CEP290: variants seen among roughly 807,000 people sequenced by gnomAD.
CEP290 encodes the protein centrosomal protein 290.
A neutral mutation model predicts 344.9 loss-of-function variants in CEP290; 317 were observed. The observed-to-expected ratio is 0.92, with a 90% CI of 0.84 to 1.01. The LOEUF is 1.01. Ranked by LOEUF, CEP290 falls within the 50% of genes least tolerant of loss-of-function variation. The probability of loss-of-function intolerance (pLI) is 0.00; values close to 1 mark genes in which losing one functional copy is unlikely to be tolerated. For synonymous variants in CEP290, 932 were observed against 895.8 expected (o/e 1.04, Z -0.72); for missense variants, 2,754 against 2,761.4 (o/e 1.00, Z 0.06).
At chr12:88,056,717 G>A (rs1453392694) in intron 49 of CEP290, among the ~76,000 whole-genome samples, 1 of 152,142 alleles carries the variant, frequency 6.6e-6, no homozygotes, top group Non-Finnish European at 1.5e-5. Flanking sequence ...GCCTGACATA[G>A]AATACGTGTT....
intron 25 of CEP290, chr12:88,103,397 A>T (rs1264335046): frequency 6.4e-6 from 1 of 155,086 alleles, no homozygotes; most frequent in Non-Finnish European, 1.4e-5. Context: ...TATCACAGGT[A>T]ACTTTCACAG....
intron 34 of CEP290, among the ~76,000 whole-genome samples, chr12:88,085,695 T>G (rs1028156619): frequency 7.9e-5 from 12 of 152,122 alleles, no homozygotes; most frequent in African/African-American, 2.9e-4. Context: ...GAAAATTGAT[T>G]CATAGATTAT....
chr12:88,133,513 A>G (rs911494636), intron 6 of CEP290, among the ~76,000 whole-genome samples: 3 of 152,180 alleles, frequency 2.0e-5, no homozygotes, highest in African/African-American at 7.2e-5. Context: ...TAGTGCTGCA[A>G]TGAACATATG....
intron 23 of CEP290, 43 bp from the exon 24 acceptor site, chr12:88,107,141 T>C (rs374895222): frequency 4.0e-5 from 47 of 1,186,500 alleles, no homozygotes; most frequent in Non-Finnish European, 3.8e-5. Flanking sequence ...GTAAACCTAA[T>C]AAAATGTTTA....
intron 53 of CEP290, chr12:88,049,671 G>A (rs2033290503): frequency 3.5e-6 from 1 of 285,626 alleles, no homozygotes; most frequent in East Asian, 8.4e-5. Context: ...TCTTATAATG[G>A]GACTTAATCT....
At position 88,093,988 on chromosome 12, in the gene CEP290, AT is replaced by A; in HGVS notation, c.3104-14del. 1 of 1,570,920 alleles carries A rather than the reference AT, an allele frequency of 6.4e-7. No individual in the cohort carries two copies. On this transcript the variant is annotated splice_polypyrimidine_tract_variant and intron_variant, in intron 27 of 53. Transcript: ENST00000552810. ...CTAGATTCATTACCTACATGCAATA[AT>A]ATTTAAGTCAATCTCATGCTGTTTA... is the stretch of plus-strand genomic sequence containing the variant.
chr12:88,064,735 T>C (rs2034768597), intron 44 of CEP290, among the ~76,000 whole-genome samples: 1 of 152,136 alleles, frequency 6.6e-6, no homozygotes, highest in African/African-American at 2.4e-5. Context: ...GGAAAGATCT[T>C]TCCCTCTGAT....
Position 88,139,201 on chromosome 12 carries a change from TA to T in CEP290, c.251-11del, listed in dbSNP as rs752284551. On this transcript the variant is annotated splice_polypyrimidine_tract_variant and intron_variant, in intron 4 of 53. Transcript: ENST00000552810. ...GTTTTTAATTGATTTTCTATTTTTTTAAAAAAAAAGAAAAACGTTTTAATTG... is the reference window on the plus strand; with the variant it reads ...GTTTTTAATTGATTTTCTATTTTTTTAAAAAAAAGAAAAACGTTTTAATTG... 413 of 1,084,478 alleles carry T rather than the reference TA, an allele frequency of 3.8e-4. No individual in the cohort carries two copies. Among genetic ancestry groups the T allele is most frequent in the East Asian group, 5.8e-4 (20 of 34,560 alleles). The allele number at this position is 1,084,478 out of a possible 1,614,324, so 67.2% of individuals were successfully genotyped here. A position where few individuals can be genotyped will look rare whatever the true frequency, so the allele number is the denominator to read the frequency against.
In CEP290 at chr12:88,087,964, T is replaced by C; in HGVS notation, c.4030-20A>G. ...GATTACCTAAGATTTACAATTTATA[T>C]ACACAAATATAAATGCTATATTAAC... On this transcript the variant is annotated intron_variant, in intron 31 of 53. Transcript: ENST00000552810. The C allele has an allele frequency of 1.0e-6, 1 of 982,966 alleles. No individual in the cohort carries two copies. The highest frequency in any genetic ancestry group is 1.3e-6 in the Non-Finnish European group (1 of 745,184). The allele number at this position is 982,966 out of a possible 1,614,324, so 60.9% of individuals were successfully genotyped here.
Position 88,079,125 on chromosome 12 carries a change from T to C in CEP290, c.5331A>G (p.Gln1777=). The part of the protein sequence containing the change: ...TSQKEAHLNV[Q]QIVDRHTREL... Reference sequence around the variant, plus strand: ...CTCTAGTATGTCGATCAACGATTTGTTGAACATTGAGATGGGCCTCTTTTT... The same window carrying C: ...CTCTAGTATGTCGATCAACGATTTGCTGAACATTGAGATGGGCCTCTTTTT... The change falls in exon 39 of 54, where the codon CAA becomes CAG. Residue 1777 remains glutamine, a synonymous_variant. Coordinates refer to ENST00000552810, the MANE Select transcript of CEP290 (RefSeq NM_025114.4). 6.3e-7 allele frequency: 1 copy of C among 1,595,630 alleles called. No individual in the cohort carries two copies. The highest frequency in any genetic ancestry group is 8.5e-7 in the Non-Finnish European group (1 of 1,173,140).
Position 88,093,878 on chromosome 12 carries a change from T to A in CEP290, c.3201A>T (p.Leu1067Phe), listed in dbSNP as rs753838921. The A allele has an allele frequency of 6.2e-7, 1 of 1,613,070 alleles. No homozygotes were observed. Among genetic ancestry groups the A allele is most frequent in the Admixed American group, 1.7e-5 (1 of 59,960 alleles). The stretch of plus-strand genomic sequence containing the variant: ...AATGTTCAGCCCGCTGCCTTTCATT[T>A]AATTCCTTCATTTCCAGCATAGTTA... ...KKITMLEMKELNERQRAEHCQ... is the reference protein window; with the variant it reads ...KKITMLEMKEFNERQRAEHCQ... The change falls in exon 28 of 54, where the codon TTA becomes TTT. Residue 1067 changes from leucine to phenylalanine, a missense_variant. By Grantham distance (22) the Leu-to-Phe change is conservative (BLOSUM62 0). Coordinates refer to ENST00000552810, the MANE Select transcript of CEP290 (RefSeq NM_025114.4).
chr12:88,140,208 T>C (rs1264476121), intron 3 of CEP290, among the ~76,000 whole-genome samples: 1 of 152,222 alleles, frequency 6.6e-6, no homozygotes, highest in African/African-American at 2.4e-5. Flanking sequence ...TTCCAATTGC[T>C]ATTATTCTAA....
At position 88,066,729 on chromosome 12, in the gene CEP290, T is replaced by A. The variant is rs151046628; in HGVS notation, c.6135+1793A>T. Among the ~76,000 whole-genome samples, 486 of 152,272 alleles carry A rather than the reference T, an allele frequency of 3.2e-3. 3 individuals are homozygous for A. The highest frequency in any genetic ancestry group is 6.9e-3 in the Admixed American group (106 of 15,294). ...ATAGGGCAATGTAACATCAAACTCC[T>A]GGGCTCAAATGATCCTCCCACCACA... On this transcript the variant is annotated intron_variant, in intron 44 of 53. Coordinates refer to ENST00000552810, the MANE Select transcript of CEP290 (RefSeq NM_025114.4).
In CEP290 at chr12:88,097,018, TC is replaced by T. The variant is rs1565861026; in HGVS notation, c.2992-20del. The T allele has an allele frequency of 7.2e-6, 9 of 1,255,006 alleles. No homozygotes were observed. Among genetic ancestry groups the T allele is most frequent in the Non-Finnish European group, 1.0e-5 (9 of 887,866 alleles). 77.7% of individuals were successfully genotyped at this position (1,255,006 alleles called of 1,614,324 possible). A position where few individuals can be genotyped will look rare whatever the true frequency, so the allele number is the denominator to read the frequency against. On this transcript the variant is annotated intron_variant, in intron 26 of 53. Transcript: ENST00000552810. ...TTTCACACTGAATAAAGGAAAAATA[TC>T]ACTAAGAAACTACATTGTAATTCAG...
rs750776051 is a variant in CEP290 at position 88,136,665 on chromosome 12, T to C, written c.419A>G (p.Lys140Arg). The C allele has an allele frequency of 4.3e-6, 7 of 1,613,766 alleles. No individual in the cohort carries two copies. The highest frequency in any genetic ancestry group is 5.9e-6 in the Non-Finnish European group (7 of 1,179,752). ...ELEDMEKELE[K>R]EKKVNEQLAL... ...TACTTGCTCATTAACTTTCTTCTCTTTCTCCAACTCCTTTTCCATGTCCTC... is the reference window on the plus strand; with the variant it reads ...TACTTGCTCATTAACTTTCTTCTCTCTCTCCAACTCCTTTTCCATGTCCTC... The change falls in exon 6 of 54, where the codon AAA (lysine) becomes AGA (arginine). Residue 140 changes from lysine (K) to arginine (R), a missense_variant. Physicochemically the swap from Lys to Arg is conservative, Grantham distance 26 (BLOSUM62 2). Coordinates refer to ENST00000552810, the MANE Select transcript of CEP290 (RefSeq NM_025114.4).
At position 88,136,753 on chromosome 12, in the gene CEP290, G is replaced by A. The variant is rs1051440600; in HGVS notation, c.331C>T (p.Arg111Trp). Residue 111 changes from arginine to tryptophan, a missense_variant, in exon 6 of 54, where the codon CGG becomes TGG. Physicochemically the swap from Arg to Trp is moderately radical, Grantham distance 101. Coordinates refer to ENST00000552810, the MANE Select transcript of CEP290 (RefSeq NM_025114.4). Reference sequence around the variant, plus strand: ...TGGCAAATTTCATTACGTAAAAACCGAGTATCTCGTCCACCTGCAGACTGC... The same window carrying A: ...TGGCAAATTTCATTACGTAAAAACCAAGTATCTCGTCCACCTGCAGACTGC... ...AQQSAGGRDTRFLRNEICQLE... is the reference protein window; with the variant it reads ...AQQSAGGRDTWFLRNEICQLE... 12 of 1,613,380 alleles carry A rather than the reference G, an allele frequency of 7.4e-6. No individual in the cohort carries two copies. Among genetic ancestry groups the A allele is most frequent in the Admixed American group, 5.0e-5 (3 of 59,928 alleles).
At chr12:88,099,176 GAC>G (rs1229317978) in intron 26 of CEP290, among the ~76,000 whole-genome samples, 2 of 152,030 alleles carry the variant, frequency 1.3e-5, no homozygotes, top group African/African-American at 4.8e-5. Context: ...GGATGAAGAA[GAC>G]ACACATAAAT....
Position 88,111,251 on chromosome 12 carries a change from C to A in CEP290, c.2318G>T (p.Ser773Ile). The A allele has an allele frequency of 6.6e-7, 1 of 1,506,174 alleles. No homozygotes were observed. Among genetic ancestry groups the A allele is most frequent in the Non-Finnish European group, 8.9e-7 (1 of 1,126,610 alleles). 93.3% of individuals were successfully genotyped at this position (1,506,174 alleles called of 1,614,324 possible). ...ATTCTGAGAATTAATGATACTGGCACTAGATGGTGCTATCCCATCAGGTAA... is the reference window on the plus strand; with the variant it reads ...ATTCTGAGAATTAATGATACTGGCAATAGATGGTGCTATCCCATCAGGTAA... ...IDLPDGIAPSSASIINSQNEY... is the reference protein window; with the variant it reads ...IDLPDGIAPSIASIINSQNEY... The change falls in exon 22 of 54, where the codon AGT (serine) becomes ATT (isoleucine). Residue 773 changes from serine (S) to isoleucine (I), a missense_variant. Physicochemically the swap from Ser to Ile is moderately radical, Grantham distance 142 (BLOSUM62 -2). Transcript: ENST00000552810.
chr12:88,134,447 A>T (rs1385241064), intron 6 of CEP290, among the ~76,000 whole-genome samples: 1 of 152,182 alleles, frequency 6.6e-6, no homozygotes, highest in Non-Finnish European at 1.5e-5. Flanking sequence ...TAAAGTATAG[A>T]TCTGATCATG....
Sources: gnomAD v4.1 joint callset for allele counts (sites outside exome capture counted in the v4.1 genomes callset) on GRCh38, gnomAD v4.1.1 for gene constraint, MANE v1.5 for transcripts, NCBI Gene and HGNC (gene_info 2026-07-23, HGNC 2026-07-21) for gene names.